PRTG: variants seen among roughly 807,000 people sequenced by gnomAD.
The protein encoded by PRTG is protogenin, also known as immunoglobulin superfamily, DCC subclass, member 5.
A neutral mutation model predicts 122.5 loss-of-function variants in PRTG; 67 were observed. The ratio of observed to expected loss-of-function variants is 0.55; its 90% CI spans 0.45 to 0.67. The LOEUF (loss-of-function observed/expected upper bound fraction) is 0.67. Among genes scored for constraint, PRTG ranks in the 30% least tolerant of loss-of-function variants. PRTG has a pLI of 0.00. For missense variants in PRTG, 1,435 were observed against 1,415.4 expected, an observed-to-expected ratio of 1.01 and a Z score of -0.22; for synonymous variants, 554 against 501.1, an observed-to-expected ratio of 1.11 and a Z score of -1.41.
At position 55,619,197 on chromosome 15, in the gene PRTG, C is replaced by T. The variant is rs2059153648; in HGVS notation, c.*815G>A. The T allele has an allele frequency of 6.6e-6, 1 of 152,084 alleles. No individual in the cohort carries two copies. The highest frequency in any genetic ancestry group is 2.1e-4 in the South Asian group (1 of 4,812). 9.4% of individuals were successfully genotyped at this position (152,084 alleles called of 1,614,324 possible). On this transcript the variant is annotated 3_prime_UTR_variant, in exon 20 of 20. Coordinates refer to ENST00000389286, the MANE Select transcript of PRTG (RefSeq NM_173814.6). The stretch of plus-strand genomic sequence containing the variant: ...GGATATAGGAGATAAAGCACTCAGA[C>T]TCTAATGCCCAAAACATAAAGGCCT...
rs2030602876 is a variant in PRTG at position 55,716,414 on chromosome 15, TC to T, written c.397+23967del. On this transcript the variant is annotated intron_variant, in intron 2 of 19. Transcript: ENST00000389286. ...TTCCTCTGCCCACTACAGAACCACT[TC>T]CTTACCTCCCTAATCCATGTGACTG... 1.3e-5 allele frequency among the ~76,000 whole-genome samples: 2 copies of T among 152,208 alleles called. 1 individual carries two copies. Among genetic ancestry groups the T allele is most frequent in the Non-Finnish European group, 2.9e-5 (2 of 68,034 alleles).
chr15:55,620,158 T>G lies in PRTG; in HGVS notation c.3307A>C (p.Arg1103=), dbSNP rs750846701. The G allele has an allele frequency of 5.6e-6, 9 of 1,614,198 alleles. No individual in the cohort carries two copies. Among genetic ancestry groups the G allele is most frequent in the Non-Finnish European group, 7.6e-6 (9 of 1,180,034 alleles). Residue 1103 remains arginine, a synonymous_variant, in exon 20 of 20, where the codon AGA becomes CGA. Coordinates refer to ENST00000389286, the MANE Select transcript of PRTG (RefSeq NM_173814.6). ...SSPGQTTSFS[R]PFGVAADTEH... ...GTATCAGCTGCAACACCAAAGGGTC[T>G]TGAGAAGCTGGTTGTCTGACCTGGG...
chr15:55,678,252 G>A (rs769414360), intron 7 of PRTG, among the ~76,000 whole-genome samples: 2 of 152,082 alleles, frequency 1.3e-5, no homozygotes, highest in Non-Finnish European at 2.9e-5. Context: ...TGTTGTTGTT[G>A]TTTTAAAGAG....
chr15:55,634,481 T>C (rs1382306496), intron 15 of PRTG, among the ~76,000 whole-genome samples: 2 of 152,200 alleles, frequency 1.3e-5, no homozygotes, highest in Non-Finnish European at 2.9e-5. Flanking sequence ...GGTTAGTTAT[T>C]TGGTTAAGTG....
intron 15 of PRTG, among the ~76,000 whole-genome samples, chr15:55,635,668 G>A (rs917905502): frequency 3.3e-5 from 5 of 152,176 alleles, no homozygotes; most frequent in Admixed American, 6.5e-5. Flanking sequence ...TCCGCTTAAT[G>A]AAAAATACGA....
intron 15 of PRTG, among the ~76,000 whole-genome samples, chr15:55,633,421 G>A (rs922215257): frequency 6.6e-6 from 1 of 152,040 alleles, no homozygotes; most frequent in Non-Finnish European, 1.5e-5. Context: ...TTCATATGAT[G>A]TTTCTGCTCA....
intron 2 of PRTG, among the ~76,000 whole-genome samples, chr15:55,726,296 C>T (rs928162381): frequency 2.0e-5 from 3 of 151,998 alleles, no homozygotes; most frequent in Non-Finnish European, 4.4e-5. Context: ...AGGCTGGTCT[C>T]GAACTCCTGA....
chr15:55,742,955 TC>T lies in PRTG; in HGVS notation c.-25del. On this transcript the variant is annotated 5_prime_UTR_variant, in exon 1 of 20. Coordinates refer to ENST00000389286, the MANE Select transcript of PRTG (RefSeq NM_173814.6). ...ATTCAGCGTAGCCGCGCGGGCATGC[TC>T]CCCGGCCGCCCAGAGCCCCTGTCCG... The T allele has an allele frequency of 2.0e-6, 3 of 1,487,154 alleles. No homozygotes were observed. Among genetic ancestry groups the T allele is most frequent in the Admixed American group, 4.6e-5 (2 of 43,782 alleles). 92.1% of individuals were successfully genotyped at this position (1,487,154 alleles called of 1,614,324 possible). A position where few individuals can be genotyped will look rare whatever the true frequency, so the allele number is the denominator to read the frequency against.
At chr15:55,685,726 A>C (rs1230526688) in intron 2 of PRTG, among the ~76,000 whole-genome samples, 1 of 152,212 alleles carries the variant, frequency 6.6e-6, no homozygotes, top group African/African-American at 2.4e-5. Flanking sequence ...TCTCAGTTTT[A>C]ATTTCTAATA....
chr15:55,620,871 C>T, intron 18 of PRTG, 104 bp from the exon 19 acceptor site: 2 of 962,532 alleles, frequency 2.1e-6, no homozygotes, highest in Non-Finnish European at 3.1e-6. Flanking sequence ...TTCACATTTC[C>T]CTTTTCATTT....
chr15:55,670,396 T>C (rs2059462787), intron 11 of PRTG, among the ~76,000 whole-genome samples: 2 of 152,158 alleles, frequency 1.3e-5, no homozygotes, highest in Admixed American at 1.3e-4. Flanking sequence ...TGATTCTTCA[T>C]CAACAATTGT....
At chr15:55,696,780 T>C (rs916495231) in intron 2 of PRTG, among the ~76,000 whole-genome samples, 2 of 152,320 alleles carry the variant, frequency 1.3e-5, no homozygotes, top group East Asian at 3.9e-4. Flanking sequence ...TAATTTCTAG[T>C]GAACATGTTA....
At chr15:55,722,143 C>G in intron 2 of PRTG, among the ~76,000 whole-genome samples, 1 of 152,132 alleles carries the variant, frequency 6.6e-6, no homozygotes, top group Non-Finnish European at 1.5e-5. Flanking sequence ...AGCTGGGAAT[C>G]TAGGTGAAAG....
rs1227965513 is a variant in PRTG at position 55,637,289 on chromosome 15, G to C, written c.2504C>G (p.Thr835Ser). ...AGGGGGTTTCCAAGAAACCAGGGCA[G>C]TGTCATCCTCTATTAATGTCACTTT... The part of the protein sequence containing the change: ...GVKVTLIEDD[T>S]ALVSWKPPDG... The change falls in exon 15 of 20, where the codon ACT becomes AGT. Residue 835 changes from threonine to serine, a missense_variant. Transcript: ENST00000389286. 3.1e-6 allele frequency: 5 copies of C among 1,614,004 alleles called. No homozygotes were observed. Among genetic ancestry groups the C allele is most frequent in the African/African-American group, 1.3e-5 (1 of 75,022 alleles).
At chr15:55,704,300 G>T (rs2029999761) in intron 2 of PRTG, among the ~76,000 whole-genome samples, 3 of 152,270 alleles carry the variant, frequency 2.0e-5, no homozygotes, top group Middle Eastern at 6.8e-3. Context: ...AATCAATAAA[G>T]CATTAAGAAG....
At chr15:55,642,027 A>G (rs1756607256) in intron 11 of PRTG, among the ~76,000 whole-genome samples, 1 of 149,748 alleles carries the variant, frequency 6.7e-6, no homozygotes, top group Non-Finnish European at 1.5e-5. Flanking sequence ...ACAAAAAATT[A>G]GCCGGGCGCA....
intron 2 of PRTG, among the ~76,000 whole-genome samples, chr15:55,708,168 A>G (rs1463148345): frequency 6.7e-6 from 1 of 149,976 alleles, no homozygotes; most frequent in Non-Finnish European, 1.5e-5. Flanking sequence ...AAAAAAAAAA[A>G]AAAAAAAAAC....
chr15:55,633,102 T>A (rs928740395), intron 15 of PRTG, among the ~76,000 whole-genome samples: 2 of 152,202 alleles, frequency 1.3e-5, no homozygotes, highest in African/African-American at 2.4e-5. Flanking sequence ...GGCATCTTTA[T>A]GATATCAGTA....
In PRTG at chr15:55,620,717, G is replaced by A. The variant is rs1314560022; in HGVS notation, c.3144C>T (p.Asn1048=). 1.2e-6 allele frequency: 2 copies of A among 1,602,738 alleles called. No individual in the cohort carries two copies. The highest frequency in any genetic ancestry group is 1.8e-5 in the Admixed American group (1 of 56,580). The change falls in exon 19 of 20, where the codon AAC becomes AAT. Residue 1048 remains asparagine (N), a synonymous_variant. Transcript: ENST00000389286. ...INSYGPIIKN[N]SKKKWFFFQD... Reference sequence around the variant, plus strand: ...GGAAAAAAAACCACTTTTTCTTAGAGTTGTTTTTAATTATAGGACCATAGC... The same window carrying A: ...GGAAAAAAAACCACTTTTTCTTAGAATTGTTTTTAATTATAGGACCATAGC...
Sources: gnomAD v4.1 joint callset for allele counts (sites outside exome capture counted in the v4.1 genomes callset) on GRCh38, gnomAD v4.1.1 for gene constraint, MANE v1.5 for transcripts, NCBI Gene and HGNC (gene_info 2026-07-23, HGNC 2026-07-21) for gene names.